Variants in ADGRL3 observed in about 807,000 individuals in gnomAD.
The protein encoded by ADGRL3 is adhesion G protein-coupled receptor L3.
ADGRL3 carries 62 observed loss-of-function variants against 153.5 expected under a neutral mutation model. The ratio of observed to expected loss-of-function variants is 0.40; its 90% CI spans 0.33 to 0.50. ADGRL3 has a LOEUF of 0.50. Among genes scored for constraint, ADGRL3 ranks in the 20% least tolerant of loss-of-function variants. ADGRL3 has a pLI of 0.47. For missense variants in ADGRL3, 1,641 were observed against 1,859.4 expected (o/e 0.88, Z 2.16); for synonymous variants, 710 against 672.5 (o/e 1.06, Z -0.86).
chr4:61,275,537 T>G (rs2149871973), intron 1 of ADGRL3, among the ~76,000 whole-genome samples: 2 of 152,324 alleles, frequency 1.3e-5, no homozygotes, highest in South Asian at 4.1e-4. Context: ...TTTCTGTTTT[T>G]CCCCAGAAAT....
At chr4:61,207,580 G>A (rs1737895025) in intron 1 of ADGRL3, among the ~76,000 whole-genome samples, 1 of 152,070 alleles carries the variant, frequency 6.6e-6, no homozygotes, top group Non-Finnish European at 1.5e-5. Context: ...GAGATTGCTG[G>A]GTCAAATGGT....
chr4:62,020,402 G>GGA (rs2099232578), intron 21 of ADGRL3, among the ~76,000 whole-genome samples: 2 of 151,972 alleles, frequency 1.3e-5, no homozygotes, highest in Admixed American at 1.3e-4. Flanking sequence ...TAGGTTCTAA[G>GGA]GAATTCAAGG....
At position 61,497,334 on chromosome 4, in the gene ADGRL3, C is replaced by T. The variant is rs766158952; in HGVS notation, c.41C>T (p.Ala14Val). Residue 14 changes from alanine (A) to valine (V), a missense_variant, in exon 3 of 27, where the codon GCT becomes GTT. Transcript: ENST00000683033. ...SQLLIFMMLL[A>V]PIIHGGKHSE... ...CTACTAATTTTCATGATGCTCTTAGCTCCAATAATTCATGGTAAGATTTTT... is the reference window on the plus strand; with the variant it reads ...CTACTAATTTTCATGATGCTCTTAGTTCCAATAATTCATGGTAAGATTTTT... The T allele has an allele frequency of 2.5e-6, 4 of 1,606,388 alleles. No individual in the cohort carries two copies. In the South Asian group the frequency reaches 3.3e-5, roughly 13 times the overall value.
intron 1 of ADGRL3, among the ~76,000 whole-genome samples, chr4:61,232,654 G>A (rs1034005963): frequency 6.6e-6 from 1 of 152,026 alleles, no homozygotes; most frequent in Non-Finnish European, 1.5e-5. Context: ...TTTTTAAAGT[G>A]GGGTAATAAT....
At chr4:61,243,936 CATGAAATACTATCCTTAGATTT>C (rs1201919393) in intron 1 of ADGRL3, among the ~76,000 whole-genome samples, 1 of 151,988 alleles carries the variant, frequency 6.6e-6, no homozygotes, top group Non-Finnish European at 1.5e-5. Flanking sequence ...AAAATATTTT[CATGAAATACTATCCTTAGATTT>C]AAGAAACGTT....
intron 25 of ADGRL3, among the ~76,000 whole-genome samples, chr4:62,055,442 C>A (rs555999842): frequency 6.6e-6 from 1 of 151,790 alleles, no homozygotes; most frequent in East Asian, 1.9e-4. Context: ...AATTTAATAG[C>A]AAACTTGTTG....
In ADGRL3 at chr4:62,070,261, C is replaced by G; in HGVS notation, c.3985C>G (p.Leu1329Val). 1 of 1,605,994 alleles carries G rather than the reference C, an allele frequency of 6.2e-7. No homozygotes were observed. Among genetic ancestry groups the G allele is most frequent in the Non-Finnish European group, 8.5e-7 (1 of 1,175,492 alleles). ...TGGCTATAACCATAACGAGACCGCC[C>G]TAGAGAAAAAGATTCTGAAGGAACT... ...DRGYNHNETALEKKILKELTS... is the reference protein window; with the variant it reads ...DRGYNHNETAVEKKILKELTS... Residue 1329 changes from leucine to valine, a missense_variant, in exon 27 of 27, where the codon CTA becomes GTA. Leu to Val is a conservative substitution (Grantham distance 32). Transcript: ENST00000683033.
chr4:62,044,737 T>C (rs1730193846), intron 25 of ADGRL3, among the ~76,000 whole-genome samples, 188 bp downstream of exon 25: 1 of 152,058 alleles, frequency 6.6e-6, no homozygotes, highest in African/African-American at 2.4e-5. Context: ...TCCTGAATTT[T>C]CCAGAAGTCT....
intron 21 of ADGRL3, among the ~76,000 whole-genome samples, chr4:62,023,967 T>C (rs1466024682): frequency 6.6e-6 from 1 of 152,152 alleles, no homozygotes; most frequent in African/African-American, 2.4e-5. Flanking sequence ...CTAATAAGTA[T>C]TTAATTGTAT....
rs1948083664 is a variant in ADGRL3 at position 61,415,261 on chromosome 4, A to G, written c.-174+32072A>G. 2.0e-5 allele frequency among the ~76,000 whole-genome samples: 3 copies of G among 152,024 alleles called. No homozygotes were observed. In the East Asian group the frequency reaches 5.8e-4, roughly 29 times the overall value. ...TATTTATTAAAAGACATATACCAAT[A>G]CATTCATGGTTGTCTTTCACGTATT... is the stretch of plus-strand genomic sequence containing the variant. On this transcript the variant is annotated intron_variant, in intron 2 of 26. Transcript: ENST00000683033.
At chr4:61,622,641 C>G (rs1158408367) in intron 5 of ADGRL3, among the ~76,000 whole-genome samples, 1 of 152,118 alleles carries the variant, frequency 6.6e-6, no homozygotes, top group African/African-American at 2.4e-5. Flanking sequence ...TTACTATGTG[C>G]TAGGCATTCT....
chr4:61,408,150 G>A (rs561164624), intron 2 of ADGRL3, among the ~76,000 whole-genome samples: 18 of 152,096 alleles, frequency 1.2e-4, no homozygotes, highest in Non-Finnish European at 2.4e-4. Flanking sequence ...ATCTAAGGCT[G>A]TCAGGGAAAT....
At chr4:61,533,473 ATT>A (rs11374089) in intron 4 of ADGRL3, among the ~76,000 whole-genome samples, 37 of 151,644 alleles carry the variant, frequency 2.4e-4, no homozygotes, top group Non-Finnish European at 4.9e-4. Flanking sequence ...GAGCATTTGT[ATT>A]TTTTTTATCA....
intron 9 of ADGRL3, among the ~76,000 whole-genome samples, chr4:61,828,167 A>G (rs942140522): frequency 6.6e-6 from 1 of 152,230 alleles, no homozygotes; most frequent in Non-Finnish European, 1.5e-5. Flanking sequence ...CAAATGGTCC[A>G]TGCCTTTTCT....
chr4:62,044,837 G>C (rs1430860323), intron 25 of ADGRL3, among the ~76,000 whole-genome samples: 1 of 152,044 alleles, frequency 6.6e-6, no homozygotes, highest in Non-Finnish European at 1.5e-5. Context: ...CTCATTGGAA[G>C]CAGTGAAAAT....
intron 21 of ADGRL3, among the ~76,000 whole-genome samples, chr4:62,006,984 A>C (rs182833451): frequency 7.2e-5 from 11 of 152,102 alleles, no homozygotes; most frequent in Non-Finnish European, 2.9e-5. Flanking sequence ...CAAAAGCTCA[A>C]TAATGTCAAC....
chr4:61,230,663 G>C (rs188365362), intron 1 of ADGRL3, among the ~76,000 whole-genome samples: 79 of 152,266 alleles, frequency 5.2e-4, no homozygotes, highest in Admixed American at 8.5e-4. Flanking sequence ...GGAATTACAA[G>C]TGTGAGCCAC....
At chr4:61,541,346 A>ATTTT (rs3075146) in intron 4 of ADGRL3, among the ~76,000 whole-genome samples, 13 of 103,332 alleles carry the variant, frequency 1.3e-4, no homozygotes, top group African/African-American at 1.2e-4. Flanking sequence ...TCTGGTAGAG[A>ATTTT]TTTTTTTTTT....
At chr4:61,741,527 G>T (rs1428943097) in intron 8 of ADGRL3, among the ~76,000 whole-genome samples, 6 of 152,334 alleles carry the variant, frequency 3.9e-5, no homozygotes, top group African/African-American at 1.2e-4. Context: ...CATTGCTGCT[G>T]CTGATTTTTC....
Sources: allele counts gnomAD v4.1 joint callset (sites outside exome capture counted in the v4.1 genomes callset), GRCh38; gene constraint gnomAD v4.1.1; transcripts MANE v1.5; gene names NCBI Gene and HGNC (gene_info 2026-07-23, HGNC 2026-07-21).